The following CNTNAP2 variants were observed in gnomAD, a reference collection of about 807,000 sequenced individuals.
The protein encoded by CNTNAP2 is contactin associated protein 2.
Under a neutral mutation model 155.2 loss-of-function variants are expected in CNTNAP2, and 98 were observed. The ratio of observed to expected loss-of-function variants is 0.63; its 90% CI spans 0.54 to 0.75. CNTNAP2 has a LOEUF of 0.75. CNTNAP2 is among the 30% of genes least tolerant of loss of function. The pLI is 0.00. For missense variants in CNTNAP2, 1,727 were observed against 1,688.1 expected (o/e 1.02, Z -0.40); for synonymous variants, 651 against 631.2 (o/e 1.03, Z -0.47).
intron 1 of CNTNAP2, among the ~76,000 whole-genome samples, chr7:146,539,689 G>A (rs77989755): frequency 0.082 from 12,512 of 151,856 alleles, 566 homozygotes; most frequent in Non-Finnish European, 0.098. Context: ...AAGAAGAGGG[G>A]GATCATCTCT....
intron 15 of CNTNAP2, among the ~76,000 whole-genome samples, chr7:147,979,978 T>A (rs1024130785): frequency 2.0e-5 from 3 of 152,192 alleles, no homozygotes; most frequent in African/African-American, 7.2e-5. Flanking sequence ...CATTAAATAG[T>A]AGATGCTGCA....
At chr7:147,637,623 G>A (rs756427599) in intron 12 of CNTNAP2, among the ~76,000 whole-genome samples, 58 of 152,002 alleles carry the variant, frequency 3.8e-4, no homozygotes, top group Non-Finnish European at 5.6e-4. Flanking sequence ...AGTTTCCCAC[G>A]GGCAGGGATT....
chr7:147,272,843 GT>G (rs1164076982), intron 8 of CNTNAP2, among the ~76,000 whole-genome samples: 1 of 151,952 alleles, frequency 6.6e-6, no homozygotes, highest in Non-Finnish European at 1.5e-5. Flanking sequence ...TATATACAGT[GT>G]GATTTAAATC....
At chr7:147,867,556 T>C (rs1483382913) in intron 13 of CNTNAP2, among the ~76,000 whole-genome samples, 2 of 152,192 alleles carry the variant, frequency 1.3e-5, no homozygotes, top group Non-Finnish European at 2.9e-5. Context: ...CCAACTTGGT[T>C]GTATTCTCCC....
chr7:146,209,322 G>A (rs1798999229), intron 1 of CNTNAP2, among the ~76,000 whole-genome samples: 1 of 152,162 alleles, frequency 6.6e-6, no homozygotes, highest in Admixed American at 6.5e-5. Context: ...TATGGGCACT[G>A]CATGCAAAAC....
intron 10 of CNTNAP2, among the ~76,000 whole-genome samples, chr7:147,413,083 G>A (rs1013626121): frequency 1.3e-5 from 2 of 152,068 alleles, no homozygotes; most frequent in East Asian, 1.9e-4. Flanking sequence ...TATCCTCTTC[G>A]AGTCAATGGT....
intron 1 of CNTNAP2, among the ~76,000 whole-genome samples, chr7:146,533,107 CAAAAAAAAAAAA>C (rs553035616): frequency 2.1e-5 from 1 of 47,836 alleles, no homozygotes. Context: ...GACCCTGTCT[CAAAAAAAAAAAA>C]AAAAAAAAAA....
chr7:147,955,537 C>T (rs956235066), intron 14 of CNTNAP2, among the ~76,000 whole-genome samples: 15 of 151,990 alleles, frequency 9.9e-5, no homozygotes, highest in Non-Finnish European at 1.3e-4. Flanking sequence ...TTAATGGATC[C>T]CCTGAAAGGT....
intron 4 of CNTNAP2, among the ~76,000 whole-genome samples, chr7:147,083,948 CATT>C (rs1800208134): frequency 2.2e-5 from 2 of 92,536 alleles, no homozygotes; most frequent in South Asian, 7.8e-4. Flanking sequence ...TATTATATAG[CATT>C]ATATATAGCA....
chr7:147,696,346 C>T lies in CNTNAP2; in HGVS notation c.2098+57040C>T, dbSNP rs545366237. On this transcript the variant is annotated intron_variant, in intron 13 of 23. Transcript: ENST00000361727. ...CTCTTTTCTTAGTGTCTCAATTATA[C>T]TTCTTTGTTTTTACTTCTTAAGTGG... Among the ~76,000 whole-genome samples the T allele has an allele frequency of 3.6e-4, 55 of 152,182 alleles. 1 individual carries two copies. Among genetic ancestry groups the T allele is most frequent in the Non-Finnish European group, 7.8e-4 (53 of 67,986 alleles).
chr7:147,486,155 T>A, intron 11 of CNTNAP2, 114 bp downstream of exon 11: 1 of 765,620 alleles, frequency 1.3e-6, no homozygotes, highest in East Asian at 2.7e-5. Context: ...CACTCGAATC[T>A]GAAAAACCAA....
chr7:146,545,077 A>G (rs937447738), intron 1 of CNTNAP2, among the ~76,000 whole-genome samples: 6 of 152,050 alleles, frequency 3.9e-5, no homozygotes, highest in Admixed American at 1.3e-4. Flanking sequence ...GTAGTTTACC[A>G]TAGTCACAGA....
At position 148,124,462 on chromosome 7, in the gene CNTNAP2, G is replaced by T. The variant is rs144584705; in HGVS notation, c.2554+6174G>T. Among the ~76,000 whole-genome samples the T allele has an allele frequency of 6.2e-3, 943 of 152,204 alleles. 5 individuals are homozygous for T. Among genetic ancestry groups the T allele is most frequent in the South Asian group, 0.021 (99 of 4,812 alleles). Reference sequence around the variant, plus strand: ...CTAGATCCTTTTTCTGACTGAGAGGGCCATCATAACCAGGGTCCCAACCTC... The same window carrying T: ...CTAGATCCTTTTTCTGACTGAGAGGTCCATCATAACCAGGGTCCCAACCTC... On this transcript the variant is annotated intron_variant, in intron 16 of 23. Coordinates refer to ENST00000361727, the MANE Select transcript of CNTNAP2 (RefSeq NM_014141.6).
At chr7:148,162,738 G>A (rs1263981658) in intron 17 of CNTNAP2, among the ~76,000 whole-genome samples, 1 of 152,218 alleles carries the variant, frequency 6.6e-6, no homozygotes, top group African/African-American at 2.4e-5. Context: ...GCTCACACCT[G>A]TGATCCTAAC....
chr7:147,953,709 C>T (rs1167493722), intron 14 of CNTNAP2, among the ~76,000 whole-genome samples: 1 of 151,970 alleles, frequency 6.6e-6, no homozygotes, highest in Non-Finnish European at 1.5e-5. Flanking sequence ...AGGCCAGAAG[C>T]CTGAAATCAA....
At chr7:146,976,046 A>C (rs1007521441) in intron 3 of CNTNAP2, among the ~76,000 whole-genome samples, 1 of 152,208 alleles carries the variant, frequency 6.6e-6, no homozygotes, top group Non-Finnish European at 1.5e-5. Context: ...AACCAGGAAA[A>C]TAAAATCTGA....
At chr7:147,863,996 C>T (rs188838062) in intron 13 of CNTNAP2, among the ~76,000 whole-genome samples, 66 of 152,120 alleles carry the variant, frequency 4.3e-4, no homozygotes, top group African/African-American at 1.5e-3. Flanking sequence ...ACATGAAGTC[C>T]TTGCCCATGC....
chr7:147,719,175 T>C (rs1796526720), intron 13 of CNTNAP2, among the ~76,000 whole-genome samples: 1 of 152,142 alleles, frequency 6.6e-6, no homozygotes, highest in African/African-American at 2.4e-5. Context: ...TCCAAAGGAA[T>C]TGCAGTGGTC....
At chr7:146,132,395 CATTT>C (rs926704844) in intron 1 of CNTNAP2, among the ~76,000 whole-genome samples, 3 of 151,948 alleles carry the variant, frequency 2.0e-5, no homozygotes, top group Non-Finnish European at 4.4e-5. Flanking sequence ...TATAATGTAA[CATTT>C]ATTTATTTAT....
Sources: allele counts gnomAD v4.1 joint callset (sites outside exome capture counted in the v4.1 genomes callset), GRCh38; gene constraint gnomAD v4.1.1; transcripts MANE v1.5; gene names NCBI Gene and HGNC (gene_info 2026-07-23, HGNC 2026-07-21).